The following WWC1 variants were observed in gnomAD, a reference collection of about 807,000 sequenced individuals.
WWC1 encodes WW and C2 domain containing 1.
A neutral mutation model predicts 138.4 loss-of-function variants in WWC1; 55 were observed. The observed-to-expected ratio is 0.40, with a 90% CI of 0.32 to 0.50. The LOEUF is 0.50. Ranked by LOEUF, WWC1 falls within the 20% of genes least tolerant of loss-of-function variation. The probability of loss-of-function intolerance (pLI) is 0.72; values close to 1 mark genes in which losing one functional copy is unlikely to be tolerated. For missense variants in WWC1, 1,226 were observed against 1,420.4 expected (o/e 0.86, Z 2.20); for synonymous variants, 524 against 564.9 (o/e 0.93, Z 1.03).
intron 9 of WWC1, among the ~76,000 whole-genome samples, chr5:168,419,388 CAGCAAATATTG>C (rs1296232282): frequency 6.6e-6 from 1 of 152,178 alleles, no homozygotes; most frequent in East Asian, 1.9e-4. Context: ...GTCATCCATT[CAGCAAATATTG>C]AGCATGTCTA....
chr5:168,373,170 C>T (rs1429961191), intron 2 of WWC1, among the ~76,000 whole-genome samples: 2 of 152,164 alleles, frequency 1.3e-5, no homozygotes, highest in Non-Finnish European at 2.9e-5. Flanking sequence ...CACTGATGTG[C>T]AGGAGACCTA....
chr5:168,459,087 C>T (rs1756574774), intron 19 of WWC1, among the ~76,000 whole-genome samples: 1 of 151,758 alleles, frequency 6.6e-6, no homozygotes, highest in South Asian at 2.1e-4. Context: ...AACCTTGTCT[C>T]TACAAAAAAT....
rs201792324 is a variant in WWC1, at chr5:168,442,838, GA to G, written c.2433+1018del. ...GGCAGCAGAGCAAGACTCCATCTCAGAAAAAAAAAAAAAAGAAAAGAAAAAA... is the reference window on the plus strand; with the variant it reads ...GGCAGCAGAGCAAGACTCCATCTCAGAAAAAAAAAAAAAGAAAAGAAAAAA... On this transcript the variant is annotated intron_variant, in intron 16 of 22. Transcript: ENST00000265293. Among the ~76,000 whole-genome samples, 527 of 81,926 alleles carry G rather than the reference GA, an allele frequency of 6.4e-3. 1 individual carries two copies. Among genetic ancestry groups the G allele is most frequent in the Middle Eastern group, 0.032 (5 of 158 alleles). 53.7% of individuals were successfully genotyped at this position (81,926 alleles called of 152,430 possible). A position where few individuals can be genotyped will look rare whatever the true frequency, so the allele number is the denominator to read the frequency against.
intron 17 of WWC1, among the ~76,000 whole-genome samples, chr5:168,448,852 C>T (rs1755533568): frequency 6.6e-6 from 1 of 152,028 alleles, no homozygotes; most frequent in Non-Finnish European, 1.5e-5. Flanking sequence ...ATCTCCTGAC[C>T]TCGTGATCTG....
At chr5:168,399,594 T>G (rs1238928567) in intron 5 of WWC1, 27 bp downstream of exon 5, 2 of 1,611,546 alleles carry the variant, frequency 1.2e-6, no homozygotes, top group Non-Finnish European at 1.7e-6. Context: ...TCCCAGAGCA[T>G]GGGGGCTGCT....
At chr5:168,313,314 G>A (rs151166750) in intron 1 of WWC1, among the ~76,000 whole-genome samples, 1 of 152,152 alleles carries the variant, frequency 6.6e-6, no homozygotes, top group East Asian at 1.9e-4. Flanking sequence ...AATCCCAGCC[G>A]GGCACAGTGC....
rs188275429 is a variant in WWC1 at position 168,407,869 on chromosome 5, T to C, written c.721-638T>C. ...GATAGGACCTGCGATTCTTCCCCCC[T>C]TTTTTTTTTAAGAACCAGGGTCTCG... On this transcript the variant is annotated intron_variant, in intron 6 of 22. Coordinates refer to ENST00000265293, the MANE Select transcript of WWC1 (RefSeq NM_015238.3). 4.5e-3 allele frequency among the ~76,000 whole-genome samples: 630 copies of C among 139,758 alleles called. 4 individuals carry two copies. The highest frequency in any genetic ancestry group is 0.016 in the African/African-American group (549 of 33,700). The allele number at this position is 139,758 out of a possible 152,430, so 91.7% of individuals were successfully genotyped here.
intron 3 of WWC1, among the ~76,000 whole-genome samples, chr5:168,391,290 C>T (rs1423514488): frequency 6.6e-6 from 1 of 152,100 alleles, no homozygotes. Context: ...GTTCCAGTTA[C>T]TCAGGAGGCT....
Position 168,428,011 on chromosome 5 carries a change from C to T in WWC1, c.1811-22C>T, listed in dbSNP as rs757538910. On this transcript the variant is annotated intron_variant, in intron 11 of 22. Coordinates refer to ENST00000265293, the MANE Select transcript of WWC1 (RefSeq NM_015238.3). ...GGCAGTTTCCTGGTTCCTGAACCTG[C>T]CTTTCCATTTTCCTTCCCTAGCTGT... is the stretch of plus-strand genomic sequence containing the variant. The T allele has an allele frequency of 4.4e-6, 7 of 1,608,268 alleles. No homozygotes were observed. In the Admixed American group the frequency reaches 1.2e-4, roughly 27 times the overall value.
chr5:168,388,931 G>A (rs979879962), intron 3 of WWC1, among the ~76,000 whole-genome samples: 5 of 152,124 alleles, frequency 3.3e-5, no homozygotes, highest in African/African-American at 1.2e-4. Flanking sequence ...ATCATGATTA[G>A]TAGAGGGCTT....
rs139783136 is a variant in WWC1 at position 168,408,603 on chromosome 5, C to T, written c.817C>T (p.Leu273=). Residue 273 remains leucine (L), a synonymous_variant, in exon 7 of 23, where the codon CTA becomes TTA. Transcript: ENST00000265293. ...SSSLESSSFP[L]PKQYLDVSSQ... ...CTCTCTGGAGAGTTCGAGTTTCCCG[C>T]TACCGAAACAGTACCTGGATGTGAG... is the stretch of plus-strand genomic sequence containing the variant. The T allele has an allele frequency of 0.011, 16,984 of 1,614,172 alleles. 172 individuals carry two copies. The highest frequency in any genetic ancestry group is 0.028 in the South Asian group (2,557 of 91,066).
chr5:168,435,672 A>G (rs1782292623), intron 15 of WWC1, among the ~76,000 whole-genome samples: 2 of 152,108 alleles, frequency 1.3e-5, no homozygotes, highest in Non-Finnish European at 2.9e-5. Flanking sequence ...CAGCCTCTCA[A>G]AGGGCTGGGG....
intron 13 of WWC1, among the ~76,000 whole-genome samples, chr5:168,429,248 T>G (rs958813238): frequency 6.8e-6 from 1 of 147,582 alleles, no homozygotes; most frequent in Non-Finnish European, 1.5e-5. Flanking sequence ...GGGGATGATA[T>G]GATCTCAATT....
intron 21 of WWC1, among the ~76,000 whole-genome samples, chr5:168,466,593 C>A (rs1384519910): frequency 6.6e-6 from 1 of 152,188 alleles, no homozygotes; most frequent in South Asian, 2.1e-4. Flanking sequence ...TCTGGCAGTT[C>A]TAAAGTTCCA....
rs755511981 is a variant in WWC1, at chr5:168,444,522, C to T, written c.2462C>T (p.Thr821Ile). ...TDAVSALLEQ[T>I]AVELEKRQEG... Reference sequence around the variant, plus strand: ...GCTGTGTCTGCTCTGTTGGAACAGACAGCAGTGGAGCTGGAGAAGAGGCAG... The same window carrying T: ...GCTGTGTCTGCTCTGTTGGAACAGATAGCAGTGGAGCTGGAGAAGAGGCAG... The change falls in exon 17 of 23, where the codon ACA becomes ATA. Residue 821 changes from threonine (T) to isoleucine (I), a missense_variant. Physicochemically the swap from Thr to Ile is moderately conservative, Grantham distance 89 (BLOSUM62 -1). This residue lies in a region of WWC1 where 1,016 missense variants were observed against 1,153.9 expected (regional missense o/e 0.88). Transcript: ENST00000265293. 19 of 1,598,128 alleles carry T rather than the reference C, an allele frequency of 1.2e-5. No individual in the cohort carries two copies. In the Admixed American group the frequency reaches 3.1e-4, roughly 26 times the overall value.
intron 1 of WWC1, among the ~76,000 whole-genome samples, chr5:168,312,404 T>C (rs1285715735): frequency 6.6e-6 from 1 of 152,222 alleles, no homozygotes; most frequent in Non-Finnish European, 1.5e-5. Flanking sequence ...GTCGCACAGC[T>C]AGAAAGTGGC....
At chr5:168,352,625 C>T (rs1215018375) in intron 1 of WWC1, among the ~76,000 whole-genome samples, 2 of 151,444 alleles carry the variant, frequency 1.3e-5, no homozygotes, top group Admixed American at 6.6e-5. Flanking sequence ...ACTCTGTCAC[C>T]CAGGCTGGAG....
At chr5:168,387,209 A>G (rs543125180) in intron 3 of WWC1, among the ~76,000 whole-genome samples, 39 of 152,216 alleles carry the variant, frequency 2.6e-4, no homozygotes, top group Non-Finnish European at 1.3e-4. Flanking sequence ...AGTGTGGGCC[A>G]GGCCACAGGG....
chr5:168,403,385 C>G (rs1027962144), intron 5 of WWC1, among the ~76,000 whole-genome samples: 2 of 152,280 alleles, frequency 1.3e-5, no homozygotes, highest in African/African-American at 4.8e-5. Flanking sequence ...GTGTGAGCCA[C>G]CGTGCCCAGC....
Sources: gnomAD v4.1 joint callset for allele counts (sites outside exome capture counted in the v4.1 genomes callset) on GRCh38, gnomAD v4.1.1 for gene constraint, gnomAD v4.1.1 regional missense constraint, MANE v1.5 for transcripts, NCBI Gene and HGNC (gene_info 2026-07-23, HGNC 2026-07-21) for gene names.